The following RABGAP1L variants were observed in gnomAD, a reference collection of about 807,000 sequenced individuals.
The protein encoded by RABGAP1L is RAB GTPase activating protein 1 like.
Under a neutral mutation model 137.7 loss-of-function variants are expected in RABGAP1L, and 63 were observed. The observed-to-expected ratio is 0.46, with a 90% confidence interval of 0.37 to 0.56. RABGAP1L has a LOEUF of 0.56. RABGAP1L is among the 20% of genes least tolerant of loss of function. RABGAP1L has a pLI of 0.00. For missense variants in RABGAP1L, 1,095 were observed against 1,244.0 expected (o/e 0.88, Z 1.80); for synonymous variants, 431 against 433.7 (o/e 0.99, Z 0.08).
intron 19 of RABGAP1L, among the ~76,000 whole-genome samples, chr1:174,884,472 A>G (rs922918359): frequency 2.0e-5 from 3 of 152,198 alleles, no homozygotes; most frequent in African/African-American, 4.8e-5. Context: ...ATTCATCCAT[A>G]TTTTTTAAAA....
At chr1:174,686,846 A>G (rs1239048757) in intron 15 of RABGAP1L, among the ~76,000 whole-genome samples, 2 of 151,046 alleles carry the variant, frequency 1.3e-5, no homozygotes, top group South Asian at 2.1e-4. Context: ...TTTTCAGTAG[A>G]GACAGAGTTT....
chr1:174,683,300 A>G (rs1009695763), intron 14 of RABGAP1L, among the ~76,000 whole-genome samples: 1 of 152,024 alleles, frequency 6.6e-6, no homozygotes, highest in African/African-American at 2.4e-5. Flanking sequence ...TCAAAATTTT[A>G]AAGATGAACC....
intron 19 of RABGAP1L, among the ~76,000 whole-genome samples, chr1:174,860,146 G>C (rs180713260): frequency 1.1e-4 from 16 of 152,038 alleles, no homozygotes; most frequent in African/African-American, 3.6e-4. Flanking sequence ...GCCCTCACTA[G>C]CTTTTGCATC....
At chr1:174,902,863 C>T (rs1220928588) in intron 19 of RABGAP1L, among the ~76,000 whole-genome samples, 3 of 151,968 alleles carry the variant, frequency 2.0e-5, no homozygotes, top group Admixed American at 6.5e-5. Flanking sequence ...CTGGATATTT[C>T]GGTGCTGAAT....
chr1:174,559,566 G>A (rs1254450101), intron 13 of RABGAP1L, among the ~76,000 whole-genome samples: 1 of 152,192 alleles, frequency 6.6e-6, no homozygotes, highest in African/African-American at 2.4e-5. Flanking sequence ...TTTCAAGACG[G>A]TAGAAGTCCA....
chr1:174,521,104 T>C (rs1663339980), intron 13 of RABGAP1L, among the ~76,000 whole-genome samples: 1 of 152,230 alleles, frequency 6.6e-6, no homozygotes, highest in Non-Finnish European at 1.5e-5. Flanking sequence ...CAGTGAGTTA[T>C]GATAGTGGCT....
At chr1:174,768,280 G>A (rs1015949058) in intron 18 of RABGAP1L, among the ~76,000 whole-genome samples, 1 of 152,202 alleles carries the variant, frequency 6.6e-6, no homozygotes, top group African/African-American at 2.4e-5. Flanking sequence ...GTGACCATCA[G>A]GTAATGGTCA....
rs1181222572 is a variant in RABGAP1L at position 174,349,122 on chromosome 1, C to CTCCT, written c.1466-21857_1466-21856insTCCT. Among the ~76,000 whole-genome samples the CTCCT allele has an allele frequency of 7.3e-5, 10 of 136,074 alleles. No individual in the cohort carries two copies. In the East Asian group the frequency reaches 1.5e-3, roughly 20 times the overall value. The allele number at this position is 136,074 out of a possible 152,430, so 89.3% of individuals were successfully genotyped here. A position where few individuals can be genotyped will look rare whatever the true frequency, so the allele number is the denominator to read the frequency against. ...GCGGGGGGCTGACACCCCCACCTCC[C>CTCCT]GGACGGGGCGGCTGGCCGGGCAGAG... On this transcript the variant is annotated intron_variant, in intron 11 of 25. Coordinates refer to ENST00000681986, the MANE Select transcript of RABGAP1L (RefSeq NM_001366446.1).
At chr1:174,341,232 CCAT>C (rs1681946360) in intron 11 of RABGAP1L, among the ~76,000 whole-genome samples, 1 of 152,096 alleles carries the variant, frequency 6.6e-6, no homozygotes. Context: ...ATACAACTGT[CCAT>C]CATTTTTCTA....
chr1:174,665,506 A>C (rs533869648), intron 14 of RABGAP1L, among the ~76,000 whole-genome samples: 17 of 129,030 alleles, frequency 1.3e-4, no homozygotes, highest in African/African-American at 5.1e-4. Context: ...CCCATGCTGG[A>C]GTGCAGTGGC....
chr1:174,749,854 CA>C (rs1558043409), intron 17 of RABGAP1L, among the ~76,000 whole-genome samples: 1 of 152,068 alleles, frequency 6.6e-6, no homozygotes, highest in Non-Finnish European at 1.5e-5. Flanking sequence ...AGGACCATTT[CA>C]AAATATGTTC....
At chr1:174,609,219 A>G (rs913334206) in intron 13 of RABGAP1L, among the ~76,000 whole-genome samples, 18 of 152,180 alleles carry the variant, frequency 1.2e-4, no homozygotes, top group Non-Finnish European at 1.3e-4. Context: ...ATACCTGGAA[A>G]GAAACCTTCT....
chr1:174,328,811 A>G (rs1680770732), intron 11 of RABGAP1L, among the ~76,000 whole-genome samples: 1 of 152,078 alleles, frequency 6.6e-6, no homozygotes, highest in Admixed American at 6.6e-5. Context: ...ACAAATGATA[A>G]TGGAAATGCA....
rs1176869783 is a variant in RABGAP1L, at chr1:174,195,971, G to C, written c.-33-23154G>C. Among the ~76,000 whole-genome samples, 4 of 149,768 alleles carry C rather than the reference G, an allele frequency of 2.7e-5. No homozygotes were observed. In the East Asian group the frequency reaches 5.9e-4, roughly 22 times the overall value. ...CTGCCTCAGCCTCCTGAGTAGCTGG[G>C]ATTACAGGCATGCACCACCATGCCT... On this transcript the variant is annotated intron_variant, in intron 1 of 25. Transcript: ENST00000681986.
chr1:174,688,512 G>A (rs1486127299), intron 15 of RABGAP1L, among the ~76,000 whole-genome samples: 1 of 151,830 alleles, frequency 6.6e-6, no homozygotes, highest in East Asian at 1.9e-4. Flanking sequence ...AACCAATTTG[G>A]CTTTGTCTGA....
chr1:174,550,989 T>TATATAC (rs1170237773), intron 13 of RABGAP1L, among the ~76,000 whole-genome samples: 1 of 99,128 alleles, frequency 1.0e-5, no homozygotes, highest in Non-Finnish European at 1.7e-5. Flanking sequence ...TATACATATA[T>TATATAC]ATATATACAC....
At chr1:174,724,778 G>T (rs1681854190) in intron 17 of RABGAP1L, among the ~76,000 whole-genome samples, 1 of 152,062 alleles carries the variant, frequency 6.6e-6, no homozygotes, top group Non-Finnish European at 1.5e-5. Context: ...ATGTTATGAA[G>T]GGAAACTACA....
rs75228946 is a variant in RABGAP1L, at chr1:174,428,457, T to G, written c.1710+34312T>G. Among the ~76,000 whole-genome samples the G allele has an allele frequency of 4.6e-5, 7 of 152,342 alleles. No homozygotes were observed. The East Asian group carries it at 1.3e-3, about 29-fold the overall frequency. On this transcript the variant is annotated intron_variant, in intron 13 of 25. Transcript: ENST00000681986. ...TTATTAACTTTATTCTCTCTAACCC[T>G]TTATCTCTTCATAATGATTTGTAGT... is the stretch of plus-strand genomic sequence containing the variant.
intron 11 of RABGAP1L, among the ~76,000 whole-genome samples, chr1:174,342,966 T>C (rs978992639): frequency 6.6e-6 from 1 of 152,254 alleles, no homozygotes; most frequent in Non-Finnish European, 1.5e-5. Flanking sequence ...CTTGATCTTT[T>C]GACCTCAGGT....
Sources: gnomAD v4.1 joint callset for allele counts (sites outside exome capture counted in the v4.1 genomes callset) on GRCh38, gnomAD v4.1.1 for gene constraint, MANE v1.5 for transcripts, NCBI Gene and HGNC (gene_info 2026-07-23, HGNC 2026-07-21) for gene names.